Variants in RBFOX1 observed in about 807,000 individuals in gnomAD.
RBFOX1 encodes the protein RNA binding fox-1 homolog 1.
RBFOX1 carries 8 observed loss-of-function variants against 57.7 expected under a neutral mutation model. That is an observed-to-expected ratio of 0.14 (90% CI 0.08 to 0.25). The LOEUF is 0.25. Among genes scored for constraint, RBFOX1 ranks in the 10% least tolerant of loss-of-function variants. The pLI is 1.00. For missense variants in RBFOX1, 611 were observed against 548.5 expected (o/e 1.11, Z -1.14); for synonymous variants, 326 against 222.4 (o/e 1.47, Z -4.15).
intron 1 of RBFOX1, among the ~76,000 whole-genome samples, chr16:6,244,841 T>G (rs1457991899): frequency 6.6e-6 from 1 of 152,200 alleles, no homozygotes; most frequent in East Asian, 1.9e-4. Context: ...TTTGGTGTGC[T>G]GTTTTCTCCT....
At chr16:5,580,701 G>A (rs761392413) in intron 2 of RBFOX1, among the ~76,000 whole-genome samples, 2 of 152,170 alleles carry the variant, frequency 1.3e-5, no homozygotes, top group African/African-American at 4.8e-5. Context: ...ATCTCACACT[G>A]CCCTGCGTCT....
rs140443032 is a variant in RBFOX1, at chr16:7,008,080, C to T, written c.-15-43977C>T. 3.6e-3 allele frequency among the ~76,000 whole-genome samples: 545 copies of T among 152,230 alleles called. 5 individuals carry two copies. The highest frequency in any genetic ancestry group is 0.012 in the African/African-American group (492 of 41,532). On this transcript the variant is annotated intron_variant, in intron 3 of 15. Transcript: ENST00000550418. ...GAGCAAACTTGGATCCAGTTTTCAG[C>T]CACAGCTACTCCTCTTGCCCTTTAT...
chr16:6,349,707 A>G (rs1414091765), intron 2 of RBFOX1, among the ~76,000 whole-genome samples: 1 of 152,210 alleles, frequency 6.6e-6, no homozygotes, highest in Non-Finnish European at 1.5e-5. Flanking sequence ...ATAGAAAATC[A>G]TGGCATTTCC....
rs1294301236 is a variant in RBFOX1, at chr16:5,808,263, G to A, written c.319-59040G>A. ...GGAATATTTCTGAGGGCTGTGTTCTGTTCCACTGATCTATATCTCTGTATT... is the reference window on the plus strand; with the variant it reads ...GGAATATTTCTGAGGGCTGTGTTCTATTCCACTGATCTATATCTCTGTATT... On this transcript the variant is annotated intron_variant, in intron 3 of 19. Coordinates refer to the RBFOX1 transcript ENST00000641259. Among the ~76,000 whole-genome samples, 3 of 152,306 alleles carry A rather than the reference G, an allele frequency of 2.0e-5. No homozygotes were observed. In the East Asian group the frequency reaches 5.8e-4, roughly 29 times the overall value.
intron 3 of RBFOX1, among the ~76,000 whole-genome samples, chr16:6,655,123 C>G (rs1283443988): frequency 1.3e-5 from 2 of 151,758 alleles, no homozygotes; most frequent in Non-Finnish European, 2.9e-5. Flanking sequence ...CCTATAATCC[C>G]AACACTTTGG....
Position 7,213,834 on chromosome 16 carries a change from G to A in RBFOX1, c.27+161736G>A, listed in dbSNP as rs138968686. Among the ~76,000 whole-genome samples the A allele has an allele frequency of 8.1e-3, 1,229 of 152,250 alleles. 19 individuals carry two copies. The highest frequency in any genetic ancestry group is 0.029 in the African/African-American group (1,185 of 41,558). On this transcript the variant is annotated intron_variant, in intron 4 of 15. Transcript: ENST00000550418. ...TTCTTAATAGACTTCTCTGATGGAT[G>A]AGGGTTGAAAAAGTCCTGCCCAGCA...
chr16:6,765,948 C>T (rs2077263252), intron 3 of RBFOX1, among the ~76,000 whole-genome samples: 1 of 152,036 alleles, frequency 6.6e-6, no homozygotes, highest in Admixed American at 6.6e-5. Context: ...CAAAGGTATA[C>T]AGTATGATGG....
chr16:7,392,440 C>T (rs1274917285), intron 4 of RBFOX1, among the ~76,000 whole-genome samples: 1 of 152,158 alleles, frequency 6.6e-6, no homozygotes, highest in Non-Finnish European at 1.5e-5. Context: ...GTAGGTACTC[C>T]ACAAGCAGTT....
intron 4 of RBFOX1, among the ~76,000 whole-genome samples, chr16:7,322,984 G>A (rs1821731261): frequency 6.6e-6 from 1 of 151,896 alleles, no homozygotes; most frequent in Non-Finnish European, 1.5e-5. Context: ...GTGTAGGTCA[G>A]CTCTTCTCCA....
chr16:7,373,013 G>A (rs2097597964), intron 4 of RBFOX1, among the ~76,000 whole-genome samples: 1 of 151,524 alleles, frequency 6.6e-6, no homozygotes, highest in Non-Finnish European at 1.5e-5. Flanking sequence ...CTCACTGCAA[G>A]CTCCGTCTCC....
At chr16:7,428,494 T>TTTATTATTATTA (rs71147697) in intron 4 of RBFOX1, among the ~76,000 whole-genome samples, 131 of 128,708 alleles carry the variant, frequency 1.0e-3, no homozygotes, top group East Asian at 1.6e-3. Context: ...TCCTGGCTAT[T>TTTATTATTATTA]TTATTATTAT....
At chr16:6,022,268 A>G (rs981901449) in intron 1 of RBFOX1, among the ~76,000 whole-genome samples, 11 of 147,684 alleles carry the variant, frequency 7.4e-5, no homozygotes, top group Non-Finnish European at 1.3e-4. Context: ...TTTTTTTTTT[A>G]ATTAGAACAT....
At chr16:5,594,654 A>G (rs11076937) in intron 2 of RBFOX1, among the ~76,000 whole-genome samples, 18,087 of 152,102 alleles carry the variant, frequency 0.12, 1,335 homozygotes, top group East Asian at 0.32. Context: ...TCTGATTAGC[A>G]TCTCCAAAGG....
intron 3 of RBFOX1, among the ~76,000 whole-genome samples, chr16:6,938,905 C>G (rs1412669587): frequency 2.6e-5 from 4 of 152,126 alleles, no homozygotes; most frequent in East Asian, 3.9e-4. Flanking sequence ...GCACTCCAGC[C>G]TGGGTGACAT....
chr16:6,015,627 T>A (rs1187295974), upstream of RBFOX1, among the ~76,000 whole-genome samples: 1 of 152,210 alleles, frequency 6.6e-6, no homozygotes, highest in Non-Finnish European at 1.5e-5. Context: ...AGATTTGCTG[T>A]TCCTAGAAGG....
At chr16:6,502,932 G>T (rs2153185076) in intron 2 of RBFOX1, among the ~76,000 whole-genome samples, 1 of 152,246 alleles carries the variant, frequency 6.6e-6, no homozygotes, top group East Asian at 1.9e-4. Flanking sequence ...CCACTTAAAG[G>T]ATGAAGTAGG....
intron 2 of RBFOX1, among the ~76,000 whole-genome samples, chr16:6,486,732 T>C (rs930417491): frequency 8.5e-5 from 13 of 152,138 alleles, no homozygotes; most frequent in African/African-American, 2.9e-4. Context: ...AAATATCAAA[T>C]CTTTGTTTGC....
At chr16:6,600,079 G>A (rs528018341) in intron 2 of RBFOX1, among the ~76,000 whole-genome samples, 1 of 152,302 alleles carries the variant, frequency 6.6e-6, no homozygotes, top group African/African-American at 2.4e-5. Flanking sequence ...AAGAGGGTTA[G>A]GGAAGCATTC....
At chr16:5,574,035 G>A (rs369403956) in intron 2 of RBFOX1, among the ~76,000 whole-genome samples, 51 of 152,334 alleles carry the variant, frequency 3.3e-4, no homozygotes, top group African/African-American at 1.2e-3. Context: ...TCATGGATTT[G>A]CCCCCGATGC....
Sources: gnomAD v4.1 joint callset for allele counts (sites outside exome capture counted in the v4.1 genomes callset) on GRCh38, gnomAD v4.1.1 for gene constraint, MANE v1.5 for transcripts, NCBI Gene and HGNC (gene_info 2026-07-23, HGNC 2026-07-21) for gene names.